Variants in AQP7 observed in about 807,000 individuals in gnomAD.
AQP7 encodes aquaporin-7.
In AQP7, 22 loss-of-function variants were observed where a neutral mutation model predicts 26.1. The observed-to-expected ratio is 0.84, with a 90% CI of 0.60 to 1.20. The LOEUF is 1.20. AQP7 is among the 50% of genes most tolerant of loss of function. The pLI is 0.00. For synonymous variants in AQP7, 167 were observed against 181.7 expected, an observed-to-expected ratio of 0.92 and a Z score of 0.65; for missense variants, 412 against 457.5, an observed-to-expected ratio of 0.90 and a Z score of 0.91.
chr9:33,387,885 G>C (rs371022223), intron 3 of AQP7, among the ~76,000 whole-genome samples: 1 of 152,002 alleles, frequency 6.6e-6, no homozygotes, highest in Non-Finnish European at 1.5e-5. Flanking sequence ...CCTGCCCAGC[G>C]TCCTTCTCCA....
chr9:33,394,937 C>T lies in AQP7; in HGVS notation c.144+141G>A. 1.1e-5 allele frequency: 8 copies of T among 742,000 alleles called. 1 individual carries two copies. In the South Asian group the frequency reaches 1.4e-4, roughly 13 times the overall value. The allele number at this position is 742,000 out of a possible 1,614,324, so 46.0% of individuals were successfully genotyped here. ...AAGGCTTGATGAGAAAGCCCCCCCTCCTTACTTTCCTCTGCTGCTTCCCCA... is the reference window on the plus strand; with the variant it reads ...AAGGCTTGATGAGAAAGCCCCCCCTTCTTACTTTCCTCTGCTGCTTCCCCA... On this transcript the variant is annotated intron_variant, in intron 3 of 7. Transcript: ENST00000297988.
chr9:33,386,336 G>C, intron 5 of AQP7, 68 bp downstream of exon 5: 1 of 1,600,840 alleles, frequency 6.2e-7, no homozygotes, highest in Non-Finnish European at 8.5e-7. Context: ...GGACACTGAG[G>C]TCCAATCTGC....
chr9:33,396,709 G>A (rs1314196286), intron 2 of AQP7, among the ~76,000 whole-genome samples: 1 of 146,336 alleles, frequency 6.8e-6, no homozygotes, highest in Non-Finnish European at 1.5e-5. Context: ...CTTTCTCTGG[G>A]AGAGCCTCCT....
chr9:33,398,200 C>T (rs1485193262), intron 2 of AQP7, among the ~76,000 whole-genome samples: 1 of 151,352 alleles, frequency 6.6e-6, no homozygotes, highest in East Asian at 1.9e-4. Flanking sequence ...GTAGGACTGG[C>T]ATGTGCAAAG....
chr9:33,400,144 A>G (rs1195073739), intron 2 of AQP7, among the ~76,000 whole-genome samples: 1 of 152,174 alleles, frequency 6.6e-6, no homozygotes, highest in Non-Finnish European at 1.5e-5. Flanking sequence ...ATGTCAACAG[A>G]GTGGCACTAT....
At chr9:33,399,591 A>C (rs974811164) in intron 2 of AQP7, among the ~76,000 whole-genome samples, 4 of 150,964 alleles carry the variant, frequency 2.6e-5, no homozygotes, top group Non-Finnish European at 4.4e-5. Context: ...ACAGAGCAAG[A>C]CTCCATCTCA....
chr9:33,387,075 G>A lies in AQP7; in HGVS notation c.162C>T (p.Ser54=), dbSNP rs73645276. Residue 54 remains serine (S), a synonymous_variant, in exon 4 of 8, where the codon TCC becomes TCT. Coordinates refer to ENST00000297988, the MANE Select transcript of AQP7 (RefSeq NM_001170.3). The stretch of plus-strand genomic sequence containing the variant: ...TTTTATTTAGAACCATATGGGCCAC[G>A]GAACCAAGGCCGAATACCTACAAGG... The part of the protein sequence containing the change: ...TYVMMVFGLG[S]VAHMVLNKKY... 6.6e-5 allele frequency: 107 copies of A among 1,611,892 alleles called. No homozygotes were observed. Among genetic ancestry groups the A allele is most frequent in the South Asian group, 3.3e-4 (30 of 90,986 alleles).
At position 33,384,881 on chromosome 9, in the gene AQP7, C is replaced by G. The variant is rs1342985994; in HGVS notation, c.*124G>C. 1.1e-4 allele frequency: 136 copies of G among 1,188,932 alleles called. No homozygotes were observed. Among genetic ancestry groups the G allele is most frequent in the Non-Finnish European group, 1.4e-4 (116 of 840,378 alleles). 73.6% of individuals were successfully genotyped at this position (1,188,932 alleles called of 1,614,324 possible). Reference sequence around the variant, plus strand: ...CTACACCTTGGGCTAAGACATAGCCCTGGAGCTCCTGTAAGAACCCAGGAG... The same window carrying G: ...CTACACCTTGGGCTAAGACATAGCCGTGGAGCTCCTGTAAGAACCCAGGAG... On this transcript the variant is annotated 3_prime_UTR_variant, in exon 8 of 8. Transcript: ENST00000297988.
In AQP7 at chr9:33,386,204, A is replaced by G; in HGVS notation, c.407-9T>C. On this transcript the variant is annotated splice_polypyrimidine_tract_variant and intron_variant, in intron 5 of 7. Transcript: ENST00000297988. ...AAAGTGGAGAATGGCCGCTGCGGAG[A>G]CACAGACTGTCATGCGAACCTGCTC... The G allele has an allele frequency of 6.2e-7, 1 of 1,613,922 alleles. No homozygotes were observed. The highest frequency in any genetic ancestry group is 8.5e-7 in the Non-Finnish European group (1 of 1,179,824).
intron 2 of AQP7, among the ~76,000 whole-genome samples, chr9:33,400,497 T>A (rs1826187117): frequency 6.6e-6 from 1 of 152,102 alleles, no homozygotes; most frequent in Admixed American, 6.5e-5. Context: ...AAAGTCAGTG[T>A]GAGGCCAGGT....
chr9:33,385,372 A>G, intron 7 of AQP7, 82 bp from the exon 8 acceptor site: 3 of 1,483,402 alleles, frequency 2.0e-6, no homozygotes, highest in Non-Finnish European at 2.7e-6. Context: ...AGACAGGTTG[A>G]GCAGAGGAGT....
At chr9:33,395,520 A>G (rs1825784992) in intron 2 of AQP7, 1 of 332,184 alleles carries the variant, frequency 3.0e-6, no homozygotes, top group African/African-American at 2.1e-5. Flanking sequence ...GCCTCTGGAA[A>G]AAAGCAGGGT....
At chr9:33,401,660 G>A (rs993541872) in intron 1 of AQP7, 3 of 296,212 alleles carry the variant, frequency 1.0e-5, no homozygotes, top group South Asian at 7.4e-5. Context: ...CTTAAGCTGC[G>A]ACTGTCCAGG....
chr9:33,399,026 G>A (rs1477284091), intron 2 of AQP7, among the ~76,000 whole-genome samples: 7 of 148,338 alleles, frequency 4.7e-5, no homozygotes, highest in African/African-American at 1.2e-4. Context: ...GCTGAAGTGC[G>A]GTGGTGGCAC....
intron 2 of AQP7, among the ~76,000 whole-genome samples, chr9:33,396,438 CA>C (rs3055483): frequency 0.17 from 5,246 of 30,856 alleles, 149 homozygotes; most frequent in African/African-American, 0.33. Context: ...GACTCCATCT[CA>C]AAAAAAAAAA....
chr9:33,388,178 C>G (rs4008657), intron 3 of AQP7, among the ~76,000 whole-genome samples: 2 of 152,236 alleles, frequency 1.3e-5, no homozygotes, highest in East Asian at 3.8e-4. Flanking sequence ...CAAATCCCCA[C>G]TGGAACTCTC....
intron 3 of AQP7, among the ~76,000 whole-genome samples, chr9:33,394,848 C>G (rs1288083280): frequency 6.6e-6 from 1 of 152,048 alleles, no homozygotes; most frequent in Non-Finnish European, 1.5e-5. Context: ...TCCAGCCGTG[C>G]CCCGGATACC....
At position 33,395,105 on chromosome 9, in the gene AQP7, G is replaced by A. The variant is rs148012859; in HGVS notation, c.117C>T (p.Ala39=). 17 of 1,613,780 alleles carry A rather than the reference G, an allele frequency of 1.1e-5. No homozygotes were observed. Among genetic ancestry groups the A allele is most frequent in the East Asian group, 2.2e-5 (1 of 44,868 alleles). Residue 39 remains alanine, a synonymous_variant, in exon 3 of 8, where the codon GCC becomes GCT. Transcript: ENST00000297988. Reference sequence around the variant, plus strand: ...TCATGACATATGTGCTCATGAACTCGGCCAGGAACTCTCGCACCATCTTCC... The same window carrying A: ...TCATGACATATGTGCTCATGAACTCAGCCAGGAACTCTCGCACCATCTTCC... The part of the protein sequence containing the change: ...LQRKMVREFL[A]EFMSTYVMMV...
chr9:33,397,999 A>G (rs1400513477), intron 2 of AQP7, among the ~76,000 whole-genome samples: 2 of 151,948 alleles, frequency 1.3e-5, no homozygotes, highest in African/African-American at 2.4e-5. Flanking sequence ...AAGAAAAGCA[A>G]TCAATTGAGC....
Sources: gnomAD v4.1 joint callset for allele counts (sites outside exome capture counted in the v4.1 genomes callset) on GRCh38, gnomAD v4.1.1 for gene constraint, MANE v1.5 for transcripts, NCBI Gene and HGNC (gene_info 2026-07-23, HGNC 2026-07-21) for gene names.